Variants in NEBL observed in about 807,000 individuals in gnomAD.
The protein encoded by NEBL is nebulette, also known as LIM and SH3 protein 2.
Under a neutral mutation model 140.2 loss-of-function variants are expected in NEBL, and 122 were observed. That is an observed-to-expected ratio of 0.87 (90% CI 0.75 to 1.01). NEBL has a LOEUF of 1.01. NEBL is among the 50% of genes least tolerant of loss of function. The pLI is 0.00. For missense variants in NEBL, 1,365 were observed against 1,231.3 expected (o/e 1.11, Z -1.62); for synonymous variants, 436 against 398.9 (o/e 1.09, Z -1.11).
chr10:21,194,734 C>T (rs935234134), intron 3 of NEBL, among the ~76,000 whole-genome samples: 9 of 152,146 alleles, frequency 5.9e-5, no homozygotes, highest in Admixed American at 2.6e-4. Context: ...ATTACATCAG[C>T]CAACAAATTC....
At chr10:20,882,589 G>T (rs1846118716) in intron 4 of NEBL, among the ~76,000 whole-genome samples, 1 of 152,110 alleles carries the variant, frequency 6.6e-6, no homozygotes, top group Non-Finnish European at 1.5e-5. Context: ...ATGAATAAAT[G>T]AGTTTACTAA....
chr10:21,044,413 A>AAAT (rs1393668480), intron 2 of NEBL, among the ~76,000 whole-genome samples: 17 of 148,042 alleles, frequency 1.1e-4, no homozygotes, highest in South Asian at 2.1e-4. Context: ...AAAAAAAAAA[A>AAAT]AAAAAAAAAA....
intron 5 of NEBL, among the ~76,000 whole-genome samples, chr10:20,873,676 C>T (rs1845200139): frequency 6.6e-6 from 1 of 152,108 alleles, no homozygotes; most frequent in South Asian, 2.1e-4. Context: ...ATTTTTCAAA[C>T]AATCATAACA....
chr10:20,934,384 T>A (rs1400050609), intron 4 of NEBL, among the ~76,000 whole-genome samples: 1 of 152,210 alleles, frequency 6.6e-6, no homozygotes, highest in Non-Finnish European at 1.5e-5. Context: ...CCACAGGGAC[T>A]TACTAATGTG....
intron 2 of NEBL, among the ~76,000 whole-genome samples, chr10:21,052,836 C>T (rs1834835958): frequency 6.6e-6 from 1 of 152,192 alleles, no homozygotes; most frequent in Admixed American, 6.5e-5. Context: ...TGCTCAGCCC[C>T]AACCTGTTGT....
chr10:20,800,306 T>A (rs1175359342), intron 26 of NEBL, among the ~76,000 whole-genome samples: 1 of 152,176 alleles, frequency 6.6e-6, no homozygotes, highest in East Asian at 1.9e-4. Context: ...CAGGGTCTCC[T>A]TTTTAAAGGC....
intron 2 of NEBL, among the ~76,000 whole-genome samples, chr10:21,091,784 C>G (rs1271380269): frequency 1.3e-5 from 2 of 152,136 alleles, no homozygotes; most frequent in Non-Finnish European, 2.9e-5. Flanking sequence ...CGCAACTACA[C>G]AAGGCAAATT....
chr10:21,029,300 G>A lies in NEBL; in HGVS notation c.165-9099C>T, dbSNP rs1294254188. The stretch of plus-strand genomic sequence containing the variant: ...TCGCCACCCTACACTTCTTTTCTAG[G>A]GAACCTATCCTATGATGTGACAGAA... On this transcript the variant is annotated intron_variant, in intron 2 of 6. Coordinates refer to the NEBL transcript ENST00000417816. 3.7e-6 allele frequency: 6 copies of A among 1,609,054 alleles called. No homozygotes were observed. The Admixed American group carries it at 1.0e-4, about 27-fold the overall frequency.
intron 9 of NEBL, among the ~76,000 whole-genome samples, chr10:20,854,559 T>C (rs1488357653): frequency 5.6e-5 from 8 of 143,056 alleles, no homozygotes; most frequent in Admixed American, 4.2e-4. Flanking sequence ...GTTCATATAG[T>C]ACTTTTTTTT....
At chr10:21,172,303 GTT>G in intron 2 of NEBL, 1 of 1,112,196 alleles carries the variant, frequency 9.0e-7, no homozygotes, top group Non-Finnish European at 1.4e-6. Flanking sequence ...CAGTGAGTCA[GTT>G]CTTCAAAACA....
At chr10:20,792,599 C>T (rs564605040) in intron 26 of NEBL, among the ~76,000 whole-genome samples, 4 of 152,028 alleles carry the variant, frequency 2.6e-5, no homozygotes, top group Admixed American at 1.3e-4. Context: ...CTCAGGAGTT[C>T]GAGACCAGCC....
intron 3 of NEBL, among the ~76,000 whole-genome samples, chr10:21,019,642 A>G (rs1460957778): frequency 6.6e-6 from 1 of 152,218 alleles, no homozygotes; most frequent in Admixed American, 6.5e-5. Context: ...ATCTTTGTTC[A>G]TGCTGTCAAT....
intron 13 of NEBL, among the ~76,000 whole-genome samples, chr10:20,839,037 A>T (rs1769900212): frequency 6.6e-6 from 1 of 152,162 alleles, no homozygotes; most frequent in African/African-American, 2.4e-5. Context: ...GTATCTCCAC[A>T]GTGTGTCTGT....
chr10:21,126,067 A>G lies in NEBL; in HGVS notation c.164+46316T>C, dbSNP rs201996343. ...GCTTTGCAGCCTTCTGGTCTCCCCA[A>G]CCAGCTTCCTGGGAGGCCTCAGGCC... On this transcript the variant is annotated intron_variant, in intron 2 of 6. Coordinates refer to the NEBL transcript ENST00000417816. 439 of 1,614,016 alleles carry G rather than the reference A, an allele frequency of 2.7e-4. 2 individuals carry two copies. The South Asian group carries it at 3.0e-3, about 11-fold the overall frequency.
intron 26 of NEBL, among the ~76,000 whole-genome samples, chr10:20,794,931 C>G (rs1836362544): frequency 2.0e-5 from 3 of 152,024 alleles, no homozygotes; most frequent in Admixed American, 1.3e-4. Context: ...TTCTTTTCAC[C>G]AACAAAGGAG....
chr10:20,830,458 G>A (rs1388589580), intron 16 of NEBL, among the ~76,000 whole-genome samples: 1 of 151,386 alleles, frequency 6.6e-6, no homozygotes, highest in East Asian at 1.9e-4. Flanking sequence ...ATAAATTTTT[G>A]TGGTCACTAC....
intron 3 of NEBL, among the ~76,000 whole-genome samples, chr10:21,198,665 C>T (rs1841688399): frequency 6.6e-6 from 1 of 152,128 alleles, no homozygotes; most frequent in Non-Finnish European, 1.5e-5. Flanking sequence ...AGAGCCTCCC[C>T]ATTGCTAGGT....
intron 3 of NEBL, among the ~76,000 whole-genome samples, chr10:20,995,367 G>A (rs987246286): frequency 6.6e-6 from 1 of 152,178 alleles, no homozygotes; most frequent in Non-Finnish European, 1.5e-5. Flanking sequence ...TGTGAAGGCG[G>A]CTGCTTGGTC....
intron 3 of NEBL, among the ~76,000 whole-genome samples, chr10:20,987,760 A>G (rs1375918286): frequency 1.3e-5 from 2 of 152,176 alleles, no homozygotes; most frequent in Non-Finnish European, 2.9e-5. Context: ...GTACTCAGGA[A>G]TAAATGGAAG....
Sources: gnomAD v4.1 joint callset for allele counts (sites outside exome capture counted in the v4.1 genomes callset) on GRCh38, gnomAD v4.1.1 for gene constraint, MANE v1.5 for transcripts, NCBI Gene and HGNC (gene_info 2026-07-23, HGNC 2026-07-21) for gene names.